NKAIN2: variants seen among roughly 807,000 people sequenced by gnomAD.
NKAIN2 encodes the protein sodium/potassium-transporting ATPase subunit beta-1-interacting protein 2.
In NKAIN2, 14 loss-of-function variants were observed where a neutral mutation model predicts 32.6. The observed-to-expected ratio is 0.43, with a 90% CI of 0.28 to 0.67. The LOEUF is 0.67. NKAIN2 is among the 30% of genes least tolerant of loss of function. The probability of loss-of-function intolerance (pLI) is 0.17; values close to 1 mark genes in which losing one functional copy is unlikely to be tolerated. For synonymous variants in NKAIN2, 80 were observed against 87.2 expected (o/e 0.92, Z 0.46); for missense variants, 198 against 258.3 (o/e 0.77, Z 1.60).
At chr6:124,146,287 TC>T (rs1303990262) in intron 1 of NKAIN2, among the ~76,000 whole-genome samples, 3 of 152,266 alleles carry the variant, frequency 2.0e-5, no homozygotes, top group East Asian at 1.9e-4. Flanking sequence ...TGTACAGTTT[TC>T]TTTTCAGAAC....
chr6:124,451,102 C>T (rs550824795), intron 3 of NKAIN2, among the ~76,000 whole-genome samples: 1 of 152,178 alleles, frequency 6.6e-6, no homozygotes, highest in South Asian at 2.1e-4. Context: ...GTAATTTTAT[C>T]ATGATTATTC....
At chr6:124,544,846 C>A (rs1273045063) in intron 3 of NKAIN2, among the ~76,000 whole-genome samples, 4 of 152,114 alleles carry the variant, frequency 2.6e-5, no homozygotes, top group Non-Finnish European at 4.4e-5. Context: ...AAAAAATGCA[C>A]TTTAAATTTT....
chr6:124,635,752 A>G (rs2114330580), intron 3 of NKAIN2, among the ~76,000 whole-genome samples: 1 of 152,230 alleles, frequency 6.6e-6, no homozygotes, highest in African/African-American at 2.4e-5. Flanking sequence ...TCAATTATAA[A>G]TAGACATGCA....
At chr6:124,499,322 A>G (rs1319503298) in intron 3 of NKAIN2, among the ~76,000 whole-genome samples, 2 of 152,194 alleles carry the variant, frequency 1.3e-5, no homozygotes, top group South Asian at 2.1e-4. Context: ...GTGCACAGTT[A>G]TAACAGAAAA....
chr6:124,068,298 C>T (rs1286872281), intron 1 of NKAIN2, among the ~76,000 whole-genome samples: 2 of 152,034 alleles, frequency 1.3e-5, no homozygotes, highest in East Asian at 1.9e-4. Context: ...AATGTTTGTT[C>T]CTATTTTTTG....
intron 1 of NKAIN2, among the ~76,000 whole-genome samples, chr6:123,945,112 C>T (rs1394378553): frequency 2.6e-5 from 4 of 152,052 alleles, no homozygotes; most frequent in Non-Finnish European, 5.9e-5. Context: ...AAGGCACTCA[C>T]ATTGAACTCT....
At chr6:124,635,324 CA>C in intron 3 of NKAIN2, among the ~76,000 whole-genome samples, 1 of 151,798 alleles carries the variant, frequency 6.6e-6, no homozygotes, top group East Asian at 1.9e-4. Context: ...AACAGATATA[CA>C]AATAAGACAG....
intron 2 of NKAIN2, among the ~76,000 whole-genome samples, chr6:124,297,339 TAGAGA>T (rs1796097037): frequency 6.6e-6 from 1 of 152,144 alleles, no homozygotes; most frequent in African/African-American, 2.4e-5. Flanking sequence ...CAAATCAAGC[TAGAGA>T]AAAGAAAATA....
rs1273781330 is a variant in NKAIN2 at position 124,471,074 on chromosome 6, C to A, written c.273+115727C>A. ...CTTGCAACAACAGCTGTATGCCCTG[C>A]AAAGCCTGATGTATTTACTAGTTGG... is the stretch of plus-strand genomic sequence containing the variant. On this transcript the variant is annotated intron_variant, in intron 3 of 6. Coordinates refer to ENST00000368417, the MANE Select transcript of NKAIN2 (RefSeq NM_001040214.3). 3.9e-5 allele frequency among the ~76,000 whole-genome samples: 6 copies of A among 152,268 alleles called. No individual in the cohort carries two copies. In the South Asian group the frequency reaches 1.2e-3, roughly 32 times the overall value.
At chr6:123,904,208 G>A (rs1218431249) in intron 1 of NKAIN2, among the ~76,000 whole-genome samples, 1 of 151,484 alleles carries the variant, frequency 6.6e-6, no homozygotes, top group Non-Finnish European at 1.5e-5. Flanking sequence ...TCCAGCCTGG[G>A]CAACAAGAGT....
chr6:124,711,950 T>G (rs949222981), intron 4 of NKAIN2, among the ~76,000 whole-genome samples: 2 of 152,162 alleles, frequency 1.3e-5, no homozygotes, highest in African/African-American at 4.8e-5. Flanking sequence ...CTTTGTGGTT[T>G]TATCTACTTT....
At chr6:124,582,265 A>C (rs1042952149) in intron 3 of NKAIN2, among the ~76,000 whole-genome samples, 1 of 152,180 alleles carries the variant, frequency 6.6e-6, no homozygotes, top group African/African-American at 2.4e-5. Context: ...GTAGCTTCTA[A>C]TGATCCTTTG....
At chr6:124,755,738 A>G (rs1457221346) in intron 4 of NKAIN2, among the ~76,000 whole-genome samples, 2 of 152,134 alleles carry the variant, frequency 1.3e-5, no homozygotes, top group Non-Finnish European at 2.9e-5. Context: ...AAGGGGGAGT[A>G]ACAGAAAAAA....
chr6:123,841,028 T>A (rs112029926), intron 1 of NKAIN2, among the ~76,000 whole-genome samples: 205 of 152,284 alleles, frequency 1.3e-3, no homozygotes, highest in African/African-American at 4.2e-3. Flanking sequence ...CTGTGTTTTT[T>A]AAATGCAATG....
chr6:124,354,616 G>A (rs1211309478), intron 2 of NKAIN2, among the ~76,000 whole-genome samples: 1 of 152,120 alleles, frequency 6.6e-6, no homozygotes, highest in Non-Finnish European at 1.5e-5. Flanking sequence ...TTGGGGAAAG[G>A]TTGATCATTG....
intron 1 of NKAIN2, among the ~76,000 whole-genome samples, chr6:124,175,601 T>C (rs1789115498): frequency 6.6e-6 from 1 of 152,212 alleles, no homozygotes; most frequent in Non-Finnish European, 1.5e-5. Flanking sequence ...ACCCACTTAG[T>C]AGATACATCT....
intron 4 of NKAIN2, among the ~76,000 whole-genome samples, chr6:124,720,103 G>T (rs1166501308): frequency 6.6e-6 from 1 of 152,008 alleles, no homozygotes; most frequent in Non-Finnish European, 1.5e-5. Context: ...AAACTGAAAG[G>T]AATAAAATGG....
intron 1 of NKAIN2, among the ~76,000 whole-genome samples, chr6:124,003,206 T>C (rs1779946048): frequency 6.6e-6 from 1 of 152,190 alleles, no homozygotes; most frequent in African/African-American, 2.4e-5. Flanking sequence ...ACATTGGGGA[T>C]GGAGATAAAA....
At chr6:124,097,149 C>G (rs552564464) in intron 1 of NKAIN2, among the ~76,000 whole-genome samples, 1 of 152,124 alleles carries the variant, frequency 6.6e-6, no homozygotes, top group East Asian at 2.0e-4. Context: ...GTGGCTCACA[C>G]CTGTAATCCC....
Sources: gnomAD v4.1 joint callset for allele counts (sites outside exome capture counted in the v4.1 genomes callset) on GRCh38, gnomAD v4.1.1 for gene constraint, MANE v1.5 for transcripts, NCBI Gene and HGNC (gene_info 2026-07-23, HGNC 2026-07-21) for gene names.